The following MEIS1 variants were observed in gnomAD, a reference collection of about 807,000 sequenced individuals.
The protein encoded by MEIS1 is Meis homeobox 1, also known as homeobox protein Meis1.
MEIS1 carries 5 observed loss-of-function variants against 50.8 expected under a neutral mutation model. The observed-to-expected ratio is 0.10, with a 90% CI of 0.05 to 0.21. The LOEUF is 0.21. Among genes scored for constraint, MEIS1 ranks in the 10% least tolerant of loss-of-function variants. The pLI, the probability that MEIS1 is intolerant of heterozygous loss-of-function variation, is 1.00. For missense variants in MEIS1, 318 were observed against 517.3 expected, an observed-to-expected ratio of 0.61 and a Z score of 3.74; for synonymous variants, 176 against 179.3, an observed-to-expected ratio of 0.98 and a Z score of 0.15.
intron 6 of MEIS1, among the ~76,000 whole-genome samples, chr2:66,447,735 T>TGCA (rs1672185733): frequency 6.6e-6 from 1 of 152,188 alleles, no homozygotes; most frequent in Non-Finnish European, 1.5e-5. Flanking sequence ...ACACCATAGA[T>TGCA]GCAGATAGGT....
At chr2:66,565,903 G>GA (rs1675333992) in intron 9 of MEIS1, among the ~76,000 whole-genome samples, 1 of 152,052 alleles carries the variant, frequency 6.6e-6, no homozygotes, top group Non-Finnish European at 1.5e-5. Flanking sequence ...GGCAGCTAAT[G>GA]AAAAAACAGA....
intron 9 of MEIS1, among the ~76,000 whole-genome samples, chr2:66,553,265 A>G (rs1674966894): frequency 6.6e-6 from 1 of 152,204 alleles, no homozygotes; most frequent in South Asian, 2.1e-4. Flanking sequence ...TTCCTAATTG[A>G]TCAATGGAGT....
chr2:66,547,012 C>T (rs538503002), intron 8 of MEIS1, among the ~76,000 whole-genome samples: 1 of 152,216 alleles, frequency 6.6e-6, no homozygotes, highest in South Asian at 2.1e-4. Context: ...AGGGTTGACT[C>T]TCAGAAGAAT....
At chr2:66,445,965 G>A (rs1672132403) in intron 6 of MEIS1, among the ~76,000 whole-genome samples, 1 of 152,178 alleles carries the variant, frequency 6.6e-6, no homozygotes, top group South Asian at 2.1e-4. Context: ...CACTTTGGCG[G>A]GCGCAAGCCT....
At chr2:66,520,325 A>T (rs1367840251) in intron 8 of MEIS1, among the ~76,000 whole-genome samples, 1 of 151,754 alleles carries the variant, frequency 6.6e-6, no homozygotes, top group Admixed American at 6.6e-5. Context: ...ATAAAAAAAA[A>T]AAAAAATTAG....
chr2:66,499,572 A>G (rs911781237), intron 7 of MEIS1, among the ~76,000 whole-genome samples: 1 of 152,074 alleles, frequency 6.6e-6, no homozygotes. Context: ...GAAGATTCCC[A>G]GGAAGACAGG....
chr2:66,554,080 A>G (rs1674992031), intron 9 of MEIS1, among the ~76,000 whole-genome samples: 1 of 152,180 alleles, frequency 6.6e-6, no homozygotes, highest in Admixed American at 6.5e-5. Context: ...GGAAGCTGCA[A>G]TCCAGCTGGT....
At position 66,571,359 on chromosome 2, in the gene MEIS1, C is replaced by T. The variant is rs750718289; in HGVS notation, c.*151C>T. The T allele has an allele frequency of 6.2e-7, 1 of 1,601,782 alleles. No homozygotes were observed. Among genetic ancestry groups the T allele is most frequent in the Non-Finnish European group, 8.5e-7 (1 of 1,174,282 alleles). On this transcript the variant is annotated 3_prime_UTR_variant, in exon 13 of 13. Coordinates refer to ENST00000272369, the MANE Select transcript of MEIS1 (RefSeq NM_002398.3). ...GCCCCCCCATCCTGCTCAGCTGCGTCATGGGCCCCCCATGCATACGTACAT... is the reference window on the plus strand; with the variant it reads ...GCCCCCCCATCCTGCTCAGCTGCGTTATGGGCCCCCCATGCATACGTACAT...
chr2:66,540,750 T>A (rs945409116), intron 8 of MEIS1, among the ~76,000 whole-genome samples: 1 of 152,226 alleles, frequency 6.6e-6, no homozygotes, highest in African/African-American at 2.4e-5. Flanking sequence ...ATATAAGTAA[T>A]CACTAATTTG....
intron 7 of MEIS1, among the ~76,000 whole-genome samples, chr2:66,484,870 T>C (rs1673101969): frequency 6.6e-6 from 1 of 152,106 alleles, no homozygotes; most frequent in African/African-American, 2.4e-5. Context: ...AAAAAGGGAA[T>C]TTCTAATACT....
intron 7 of MEIS1, among the ~76,000 whole-genome samples, chr2:66,473,393 A>ATATAT (rs1279944783): frequency 8.6e-6 from 1 of 116,902 alleles, no homozygotes; most frequent in African/African-American, 5.7e-5. Flanking sequence ...AAAAAAAAAA[A>ATATAT]AAAAATATAT....
chr2:66,504,719 C>T (rs908029083), intron 7 of MEIS1, among the ~76,000 whole-genome samples: 1 of 152,136 alleles, frequency 6.6e-6, no homozygotes, highest in African/African-American at 2.4e-5. Context: ...TTCTTAGCTC[C>T]ATCTTTTCCG....
chr2:66,448,925 A>G (rs1446326266), intron 6 of MEIS1, among the ~76,000 whole-genome samples: 1 of 152,128 alleles, frequency 6.6e-6, no homozygotes, highest in African/African-American at 2.4e-5. Context: ...ACAGTCTTAA[A>G]TGTTTGCAAC....
At chr2:66,534,861 T>C (rs186870136) in intron 8 of MEIS1, among the ~76,000 whole-genome samples, 1 of 152,342 alleles carries the variant, frequency 6.6e-6, no homozygotes, top group East Asian at 1.9e-4. Context: ...AAGCATGTTT[T>C]AGAAGGGGCA....
At chr2:66,570,639 A>G (rs1675463461) in intron 12 of MEIS1, 1 of 152,382 alleles carries the variant, frequency 6.6e-6, no homozygotes, top group Non-Finnish European at 1.5e-5. Flanking sequence ...TCCATCAACT[A>G]TAGCAATCCA....
At chr2:66,449,252 G>C (rs945162385) in intron 6 of MEIS1, among the ~76,000 whole-genome samples, 1 of 152,066 alleles carries the variant, frequency 6.6e-6, no homozygotes, top group Non-Finnish European at 1.5e-5. Flanking sequence ...ATATCAGAAT[G>C]TAATACCTGT....
chr2:66,571,205 T>C (rs1326903853), intron 12 of MEIS1, 41 bp from the exon 13 acceptor site: 4 of 1,542,524 alleles, frequency 2.6e-6, no homozygotes, highest in Non-Finnish European at 3.5e-6. Flanking sequence ...TGCTTTTTCA[T>C]AACATTTTCT....
chr2:66,461,972 G>A, intron 6 of MEIS1: 2 of 423,110 alleles, frequency 4.7e-6, no homozygotes, highest in Non-Finnish European at 9.6e-6. Flanking sequence ...AATAGAATGT[G>A]GAAAATTGAA....
At chr2:66,446,136 C>T (rs1308984436) in intron 6 of MEIS1, among the ~76,000 whole-genome samples, 1 of 152,142 alleles carries the variant, frequency 6.6e-6, no homozygotes, top group African/African-American at 2.4e-5. Context: ...GGCCATGATG[C>T]TAGGCGTCGA....
Sources: gnomAD v4.1 joint callset for allele counts (sites outside exome capture counted in the v4.1 genomes callset) on GRCh38, gnomAD v4.1.1 for gene constraint, MANE v1.5 for transcripts, NCBI Gene and HGNC (gene_info 2026-07-23, HGNC 2026-07-21) for gene names.